Variants in PCDHA2 observed in about 807,000 individuals in gnomAD.
PCDHA2 encodes protocadherin alpha-2.
In PCDHA2, 58 loss-of-function variants were observed where a neutral mutation model predicts 66.0. The ratio of observed to expected loss-of-function variants is 0.88; its 90% confidence interval spans 0.71 to 1.09. PCDHA2 has a LOEUF of 1.09. Ranked by LOEUF, PCDHA2 falls within the 50% of genes least tolerant of loss-of-function variation. The probability of loss-of-function intolerance (pLI) is 0.00; values close to 1 mark genes in which losing one functional copy is unlikely to be tolerated. For missense variants in PCDHA2, 1,267 were observed against 1,242.3 expected, an observed-to-expected ratio of 1.02 and a Z score of -0.30; for synonymous variants, 634 against 554.0, an observed-to-expected ratio of 1.14 and a Z score of -2.03.
At chr5:140,827,173 A>G (rs1396480126) in intron 1 of PCDHA2, among the ~76,000 whole-genome samples, 1 of 152,190 alleles carries the variant, frequency 6.6e-6, no homozygotes, top group Non-Finnish European at 1.5e-5. Flanking sequence ...ATACCTCAAT[A>G]AAAGTCTTAT....
chr5:140,926,358 A>C (rs1157995876), intron 1 of PCDHA2: 1 of 152,230 alleles, frequency 6.6e-6, no homozygotes, highest in Non-Finnish European at 1.5e-5. Context: ...CGGCTCCCAA[A>C]GGGCGGCAGG....
intron 1 of PCDHA2, chr5:140,829,943 G>T (rs1195178508): frequency 1.2e-6 from 2 of 1,613,992 alleles, no homozygotes; most frequent in Non-Finnish European, 1.7e-6. Flanking sequence ...GGCAAGCAGC[G>T]CTCGCTTCCC....
In PCDHA2 at chr5:140,842,635, C is replaced by T. The variant is rs1330338408; in HGVS notation, c.2388+45283C>T. 10 of 1,590,774 alleles carry T rather than the reference C, an allele frequency of 6.3e-6. 1 individual carries two copies. Among genetic ancestry groups the T allele is most frequent in the Non-Finnish European group, 8.6e-6 (10 of 1,163,124 alleles). ...GGGGCTCGCCTTCGCTGTGGGCCAC[C>T]GCCAGCTTGTCTGTGGAGGTGGCCG... On this transcript the variant is annotated intron_variant, in intron 1 of 3. Coordinates refer to ENST00000526136, the MANE Select transcript of PCDHA2 (RefSeq NM_018905.3).
intron 1 of PCDHA2, among the ~76,000 whole-genome samples, chr5:140,909,701 T>A (rs1038404823): frequency 4.6e-4 from 70 of 152,334 alleles, no homozygotes; most frequent in African/African-American, 1.6e-3. Flanking sequence ...TTCTGCTAGC[T>A]GCTAAGTATA....
intron 1 of PCDHA2, chr5:140,854,391 A>C (rs251359): frequency 0.5 from 77,721 of 154,576 alleles, 22,387 homozygotes; most frequent in South Asian, 0.62. Flanking sequence ...TTACATTTTA[A>C]TTCAGGGTTT....
intron 2 of PCDHA2, chr5:140,982,257 G>A: frequency 1.2e-6 from 1 of 804,182 alleles, no homozygotes; most frequent in Admixed American, 3.3e-5. Context: ...TAGAACATGT[G>A]TGTTCCTGGA....
At position 140,797,181 on chromosome 5, in the gene PCDHA2, G is replaced by A. The variant is rs782658810; in HGVS notation, c.2217G>A (p.Leu739=). ...CGCGCGCGCCAGGAAAGCCCACGCT[G>A]GTGTGCTCCAGCGCCGTGGGGAGCT... is the stretch of plus-strand genomic sequence containing the variant. ...EGARAPGKPT[L]VCSSAVGSWS... The change falls in exon 1 of 4, where the codon CTG becomes CTA. Residue 739 remains leucine, a synonymous_variant. Coordinates refer to ENST00000526136, the MANE Select transcript of PCDHA2 (RefSeq NM_018905.3). 1.9e-6 allele frequency: 3 copies of A among 1,614,174 alleles called. No individual in the cohort carries two copies. Among genetic ancestry groups the A allele is most frequent in the Middle Eastern group, 1.6e-4 (1 of 6,062 alleles).
At chr5:140,846,314 A>T (rs888599535) in intron 1 of PCDHA2, among the ~76,000 whole-genome samples, 1 of 148,000 alleles carries the variant, frequency 6.8e-6, no homozygotes, top group African/African-American at 2.5e-5. Context: ...CCATTTATGT[A>T]GAGTGTTGTA....
chr5:140,808,330 C>A, intron 1 of PCDHA2: 1 of 1,614,262 alleles, frequency 6.2e-7, no homozygotes, highest in East Asian at 2.2e-5. Flanking sequence ...ACATGGGTGT[C>A]AATGGGCTGG....
chr5:140,849,488 T>C, intron 1 of PCDHA2: 2 of 1,592,030 alleles, frequency 1.3e-6, no homozygotes, highest in South Asian at 1.1e-5. Flanking sequence ...CACCCCTGGC[T>C]GGTCATTGTA....
intron 3 of PCDHA2, among the ~76,000 whole-genome samples, chr5:140,992,954 C>G (rs1174073844): frequency 6.6e-6 from 1 of 152,190 alleles, no homozygotes; most frequent in Non-Finnish European, 1.5e-5. Context: ...TTAAATCACC[C>G]CTTATACTGC....
intron 1 of PCDHA2, chr5:140,869,208 C>T (rs782200592): frequency 2.5e-6 from 4 of 1,613,990 alleles, no homozygotes; most frequent in Middle Eastern, 1.7e-4. Context: ...ACTACTCCGT[C>T]TCGGAGGAGG....
intron 1 of PCDHA2, chr5:140,822,561 A>T (rs1462870943): frequency 8.1e-6 from 13 of 1,613,422 alleles, no homozygotes; most frequent in Non-Finnish European, 1.1e-5. Flanking sequence ...TAGTTATTAA[A>T]CTGAACGCCT....
chr5:140,973,513 A>G (rs2096591492), intron 1 of PCDHA2, among the ~76,000 whole-genome samples: 1 of 151,864 alleles, frequency 6.6e-6, no homozygotes, highest in Non-Finnish European at 1.5e-5. Context: ...GAAAAAGTTT[A>G]TTTTCTTTGG....
chr5:140,843,845 C>A (rs1191998999), intron 1 of PCDHA2: 1 of 1,001,508 alleles, frequency 1.0e-6, no homozygotes, highest in Non-Finnish European at 1.5e-6. Context: ...TTTTTAGAAA[C>A]CTTTTATAAT....
chr5:140,877,317 G>C (rs535177109), intron 1 of PCDHA2: 5 of 1,614,004 alleles, frequency 3.1e-6, no homozygotes, highest in Admixed American at 1.7e-5. Context: ...AACCGGCGGC[G>C]GTCGGCGCGC....
At chr5:140,996,275 C>T (rs534624070) in intron 3 of PCDHA2, among the ~76,000 whole-genome samples, 43 of 152,224 alleles carry the variant, frequency 2.8e-4, no homozygotes, top group African/African-American at 8.7e-4. Flanking sequence ...GGGATTGCTG[C>T]CAAATTTCAA....
chr5:140,884,461 G>A (rs2060188157), intron 1 of PCDHA2: 3 of 1,613,646 alleles, frequency 1.9e-6, no homozygotes, highest in African/African-American at 1.3e-5. Flanking sequence ...CCGAGGGCGC[G>A]TGCGCGCCGG....
chr5:140,871,046 T>C, intron 1 of PCDHA2: 1 of 1,613,310 alleles, frequency 6.2e-7, no homozygotes, highest in Non-Finnish European at 8.5e-7. Context: ...CGACTTCTAG[T>C]ACTGGTGAAG....
Sources: allele counts gnomAD v4.1 joint callset (sites outside exome capture counted in the v4.1 genomes callset), GRCh38; gene constraint gnomAD v4.1.1; transcripts MANE v1.5; gene names NCBI Gene and HGNC (gene_info 2026-07-23, HGNC 2026-07-21).